The following PHKB variants were observed in gnomAD, a reference collection of about 807,000 sequenced individuals.
The protein encoded by PHKB is phosphorylase kinase regulatory subunit beta, also known as phosphorylase b kinase regulatory subunit beta.
In PHKB, 122 loss-of-function variants were observed where a neutral mutation model predicts 152.1. The ratio of observed to expected loss-of-function variants is 0.80; its 90% CI spans 0.69 to 0.93. The LOEUF (loss-of-function observed/expected upper bound fraction) is 0.93. Ranked by LOEUF, PHKB falls within the 40% of genes least tolerant of loss-of-function variation. PHKB has a pLI of 0.00. For synonymous variants in PHKB, 436 were observed against 464.9 expected, an observed-to-expected ratio of 0.94 and a Z score of 0.80; for missense variants, 1,304 against 1,328.4, an observed-to-expected ratio of 0.98 and a Z score of 0.29.
chr16:47,495,099 C>T (rs1239826725), intron 1 of PHKB, among the ~76,000 whole-genome samples: 2 of 151,408 alleles, frequency 1.3e-5, no homozygotes, highest in African/African-American at 4.9e-5. Flanking sequence ...CTTTGAACAT[C>T]TTCTATTTTT....
chr16:47,647,749 G>A lies in PHKB; in HGVS notation c.1609-784G>A, dbSNP rs1176050834. On this transcript the variant is annotated intron_variant, in intron 16 of 30. Coordinates refer to ENST00000323584, the MANE Select transcript of PHKB (RefSeq NM_000293.3). ...CCTGACCTCGTGATCTGCCCGCCTC[G>A]GCTTCCCAAAGTGCTGGGATTACAG... Among the ~76,000 whole-genome samples the A allele has an allele frequency of 4.7e-5, 7 of 149,426 alleles. No individual in the cohort carries two copies. The East Asian group carries it at 6.1e-4, about 13-fold the overall frequency.
At chr16:47,588,403 C>T (rs1295098535) in intron 9 of PHKB, among the ~76,000 whole-genome samples, 1 of 150,614 alleles carries the variant, frequency 6.6e-6, no homozygotes, top group African/African-American at 2.4e-5. Context: ...TATGTTTTCA[C>T]TTATTTTTAG....
At chr16:47,642,724 A>C (rs1368248926) in intron 16 of PHKB, among the ~76,000 whole-genome samples, 3 of 152,182 alleles carry the variant, frequency 2.0e-5, no homozygotes, top group Non-Finnish European at 4.4e-5. Context: ...CACAAACCAG[A>C]ACCTGGGTGT....
At chr16:47,493,893 G>GA (rs1365710234) in intron 1 of PHKB, among the ~76,000 whole-genome samples, 3 of 152,164 alleles carry the variant, frequency 2.0e-5, no homozygotes, top group Non-Finnish European at 1.5e-5. Context: ...TAACTTCAGA[G>GA]AAAAATGAAA....
At chr16:47,618,780 C>A (rs1260262489) in intron 14 of PHKB, among the ~76,000 whole-genome samples, 2 of 152,122 alleles carry the variant, frequency 1.3e-5, no homozygotes, top group Non-Finnish European at 2.9e-5. Flanking sequence ...ACCATATTAT[C>A]CCATCCTATA....
intron 13 of PHKB, among the ~76,000 whole-genome samples, chr16:47,600,834 T>C (rs2151704163): frequency 6.6e-6 from 1 of 152,354 alleles, no homozygotes; most frequent in African/African-American, 2.4e-5. Flanking sequence ...CATCACATGA[T>C]TGTATTTATT....
intron 6 of PHKB, among the ~76,000 whole-genome samples, chr16:47,525,938 T>C (rs561512747): frequency 6.6e-6 from 1 of 152,240 alleles, no homozygotes; most frequent in African/African-American, 2.4e-5. Flanking sequence ...TTGAGTACTT[T>C]CTGTGGCTCC....
chr16:47,472,549 G>GA (rs1353055553), intron 1 of PHKB, among the ~76,000 whole-genome samples: 1 of 152,120 alleles, frequency 6.6e-6, no homozygotes, highest in African/African-American at 2.4e-5. Context: ...TTGGGAGGCC[G>GA]AGACGGGCGG....
intron 1 of PHKB, among the ~76,000 whole-genome samples, chr16:47,480,825 A>G (rs941877780): frequency 2.6e-5 from 4 of 152,210 alleles, no homozygotes; most frequent in African/African-American, 4.8e-5. Flanking sequence ...TAAAAAACTA[A>G]TAGTCCATAA....
intron 1 of PHKB, among the ~76,000 whole-genome samples, chr16:47,467,413 C>G (rs1969687586): frequency 6.6e-6 from 1 of 152,144 alleles, no homozygotes; most frequent in African/African-American, 2.4e-5. Context: ...CACTGTAACT[C>G]TAAAGAAATT....
At chr16:47,522,290 A>G (rs1251476992) in intron 6 of PHKB, among the ~76,000 whole-genome samples, 1 of 152,028 alleles carries the variant, frequency 6.6e-6, no homozygotes, top group East Asian at 1.9e-4. Flanking sequence ...TTCTCCAGGA[A>G]TTTGTCTATT....
chr16:47,582,515 G>T (rs1250838786), intron 8 of PHKB, among the ~76,000 whole-genome samples: 1 of 152,068 alleles, frequency 6.6e-6, no homozygotes, highest in East Asian at 1.9e-4. Context: ...CTATGCATTG[G>T]AATCATTTGA....
intron 14 of PHKB, among the ~76,000 whole-genome samples, chr16:47,635,016 G>A (rs941747668): frequency 6.6e-6 from 1 of 152,146 alleles, no homozygotes; most frequent in Non-Finnish European, 1.5e-5. Flanking sequence ...TGGGGTTTAA[G>A]ACTGAGGTAA....
intron 1 of PHKB, among the ~76,000 whole-genome samples, chr16:47,475,143 G>C (rs1221640292): frequency 6.6e-6 from 1 of 152,000 alleles, no homozygotes; most frequent in Non-Finnish European, 1.5e-5. Context: ...TTTTTTCACT[G>C]CCTGCTAAAT....
intron 23 of PHKB, 62 bp from the exon 24 acceptor site, chr16:47,663,615 A>G (rs369172849): frequency 3.0e-6 from 4 of 1,342,222 alleles, no homozygotes; most frequent in Non-Finnish European, 4.3e-6. Context: ...TTTAAGAGGA[A>G]TAAATGTTGT....
At chr16:47,569,059 C>A (rs1971614827) in intron 7 of PHKB, among the ~76,000 whole-genome samples, 1 of 152,098 alleles carries the variant, frequency 6.6e-6, no homozygotes, top group Non-Finnish European at 1.5e-5. Context: ...CAGTTTATGT[C>A]CAGTGTTTCT....
intron 1 of PHKB, among the ~76,000 whole-genome samples, chr16:47,492,841 C>T (rs1970173048): frequency 6.6e-6 from 1 of 152,116 alleles, no homozygotes; most frequent in African/African-American, 2.4e-5. Flanking sequence ...TTTCTTAAGC[C>T]CCACGTTGGG....
At chr16:47,629,288 A>G (rs988095794) in intron 14 of PHKB, among the ~76,000 whole-genome samples, 10 of 152,270 alleles carry the variant, frequency 6.6e-5, no homozygotes, top group African/African-American at 2.4e-4. Context: ...ACAAAGGGCT[A>G]ATATCCAGAA....
chr16:47,695,671 T>A (rs1974134741), intron 28 of PHKB, among the ~76,000 whole-genome samples: 1 of 152,182 alleles, frequency 6.6e-6, no homozygotes, highest in Non-Finnish European at 1.5e-5. Context: ...CTGGTAATGA[T>A]CTAGTCACCC....
Sources: gnomAD v4.1 joint callset for allele counts (sites outside exome capture counted in the v4.1 genomes callset) on GRCh38, gnomAD v4.1.1 for gene constraint, MANE v1.5 for transcripts, NCBI Gene and HGNC (gene_info 2026-07-23, HGNC 2026-07-21) for gene names.